PGCKA1: variants seen among roughly 807,000 people sequenced by gnomAD.
PGCKA1 encodes the protein PDCD10 and GCKIII kinases associated 1, also known as PDCD10 and GCKIII kinases-associated protein 1.
the PGCKA1 span, among the ~76,000 whole-genome samples, chr4:37,480,779 G>A: frequency 2.0e-5 from 3 of 152,258 alleles, no homozygotes; most frequent in Admixed American, 6.5e-5. Flanking sequence ...TCTCTGGGAA[G>A]GGAGGAGTTT....
chr4:37,488,815 C>A, the PGCKA1 span, among the ~76,000 whole-genome samples: 3 of 152,142 alleles, frequency 2.0e-5, no homozygotes, highest in Non-Finnish European at 2.9e-5. Context: ...CTCCTATCAA[C>A]ATAACCTAAC....
the PGCKA1 span, among the ~76,000 whole-genome samples, chr4:37,569,083 T>A: frequency 6.6e-6 from 1 of 150,880 alleles, no homozygotes. Context: ...GGTGACAGAG[T>A]GAGACCCTGT....
the PGCKA1 span, among the ~76,000 whole-genome samples, chr4:37,543,268 A>G: frequency 6.6e-6 from 1 of 152,174 alleles, no homozygotes; most frequent in Admixed American, 6.5e-5. Flanking sequence ...GCCCTACCAT[A>G]CATAAGGAAT....
chr4:37,531,066 A>G, the PGCKA1 span, among the ~76,000 whole-genome samples: 1 of 152,256 alleles, frequency 6.6e-6, no homozygotes, highest in African/African-American at 2.4e-5. Context: ...ATATGTGTCC[A>G]GAAATGAAAT....
the PGCKA1 span, among the ~76,000 whole-genome samples, chr4:37,582,387 G>A: frequency 6.6e-6 from 1 of 152,072 alleles, no homozygotes; most frequent in Non-Finnish European, 1.5e-5. Flanking sequence ...TATAACCCCA[G>A]TACAATGTTC....
At chr4:37,571,517 C>T in the PGCKA1 span, among the ~76,000 whole-genome samples, 6 of 151,418 alleles carry the variant, frequency 4.0e-5, no homozygotes, top group South Asian at 6.3e-4. Flanking sequence ...TGCCTGCCAC[C>T]GTGCCCAGCT....
chr4:37,488,051 T>A, the PGCKA1 span, among the ~76,000 whole-genome samples: 2 of 152,296 alleles, frequency 1.3e-5, no homozygotes, highest in African/African-American at 4.8e-5. Flanking sequence ...TGTAAATATC[T>A]AGGAGTGGAA....
At chr4:37,494,886 G>A in the PGCKA1 span, among the ~76,000 whole-genome samples, 10 of 151,922 alleles carry the variant, frequency 6.6e-5, no homozygotes, top group African/African-American at 2.4e-4. Context: ...GTAATATTGG[G>A]CTTTTTTTCA....
the PGCKA1 span, among the ~76,000 whole-genome samples, chr4:37,524,590 C>T: frequency 2.0e-5 from 3 of 152,176 alleles, no homozygotes; most frequent in East Asian, 1.9e-4. Flanking sequence ...TTCGTCTCAC[C>T]ACAACCCTGA....
At chr4:37,507,281 A>G in the PGCKA1 span, among the ~76,000 whole-genome samples, 4 of 152,052 alleles carry the variant, frequency 2.6e-5, no homozygotes, top group Non-Finnish European at 5.9e-5. Context: ...TTGATATCCA[A>G]TGTTATTATT....
At chr4:37,588,795 T>C in the PGCKA1 span, 2 of 1,305,754 alleles carry the variant, frequency 1.5e-6, no homozygotes, top group South Asian at 1.2e-5. Context: ...ACTTAATTCC[T>C]ACTAATATAT....
At chr4:37,487,935 C>A in the PGCKA1 span, among the ~76,000 whole-genome samples, 2 of 152,000 alleles carry the variant, frequency 1.3e-5, no homozygotes, top group Non-Finnish European at 2.9e-5. Flanking sequence ...ATGACTACAC[C>A]ACAGTGTTTT....
At chr4:37,568,992 G>T in the PGCKA1 span, among the ~76,000 whole-genome samples, 1 of 151,746 alleles carries the variant, frequency 6.6e-6, no homozygotes, top group Non-Finnish European at 1.5e-5. Flanking sequence ...AGCTACTCAG[G>T]AGGCTGAGGT....
chr4:37,563,082 T>C, the PGCKA1 span, among the ~76,000 whole-genome samples: 3 of 151,768 alleles, frequency 2.0e-5, no homozygotes, highest in African/African-American at 7.3e-5. Context: ...TTGTAGGTTT[T>C]TTCTTGTCTT....
the PGCKA1 span, among the ~76,000 whole-genome samples, chr4:37,508,391 C>G: frequency 6.6e-6 from 1 of 151,838 alleles, no homozygotes; most frequent in African/African-American, 2.4e-5. Context: ...ATGCTTCATT[C>G]TTTATTCTTT....
At chr4:37,454,596 C>G in the PGCKA1 span, among the ~76,000 whole-genome samples, 1 of 152,208 alleles carries the variant, frequency 6.6e-6, no homozygotes, top group Non-Finnish European at 1.5e-5. Context: ...GTCAGGGTGC[C>G]AGGAGGCCTC....
At chr4:37,577,028 T>C in the PGCKA1 span, among the ~76,000 whole-genome samples, 1 of 152,170 alleles carries the variant, frequency 6.6e-6, no homozygotes, top group Non-Finnish European at 1.5e-5. Context: ...ATCAGGGATA[T>C]TGGCCTGTAG....
the PGCKA1 span, among the ~76,000 whole-genome samples, chr4:37,522,123 C>T: frequency 1.3e-5 from 2 of 152,114 alleles, no homozygotes; most frequent in Admixed American, 1.3e-4. Flanking sequence ...CTACAATCAG[C>T]TGGTGGCAAA....
the PGCKA1 span, among the ~76,000 whole-genome samples, chr4:37,504,857 A>G: frequency 4.8e-4 from 73 of 152,316 alleles, no homozygotes; most frequent in African/African-American, 1.7e-3. Context: ...AGATCATATT[A>G]TCTTCAAATA....
Sources: allele counts gnomAD v4.1 joint callset (sites outside exome capture counted in the v4.1 genomes callset), GRCh38; gene constraint gnomAD v4.1.1; transcripts MANE v1.5; gene names NCBI Gene and HGNC (gene_info 2026-07-23, HGNC 2026-07-21).